Variants in TAFA1 observed in about 807,000 individuals in gnomAD.
The protein encoded by TAFA1 is chemokine-like protein TAFA-1.
A neutral mutation model predicts 18.5 loss-of-function variants in TAFA1; 4 were observed. The ratio of observed to expected loss-of-function variants is 0.22; its 90% CI spans 0.11 to 0.49. The LOEUF is 0.49. Among genes scored for constraint, TAFA1 ranks in the 20% least tolerant of loss-of-function variants. The probability of loss-of-function intolerance (pLI) is 0.98; values close to 1 mark genes in which losing one functional copy is unlikely to be tolerated. For missense variants in TAFA1, 147 were observed against 169.0 expected (o/e 0.87, Z 0.72); for synonymous variants, 56 against 55.2 (o/e 1.01, Z -0.06).
At chr3:68,366,668 T>A (rs1319772607) in intron 2 of TAFA1, among the ~76,000 whole-genome samples, 24 of 152,188 alleles carry the variant, frequency 1.6e-4, no homozygotes, top group Non-Finnish European at 1.5e-4. Flanking sequence ...CAAATCCAGC[T>A]TTGGACTCGG....
chr3:68,071,376 C>T (rs945164919), intron 2 of TAFA1, among the ~76,000 whole-genome samples: 1 of 152,194 alleles, frequency 6.6e-6, no homozygotes, highest in Non-Finnish European at 1.5e-5. Context: ...CAACAACCTC[C>T]CACCAGGTCC....
At chr3:68,274,461 T>C (rs536456982) in intron 2 of TAFA1, among the ~76,000 whole-genome samples, 1 of 152,320 alleles carries the variant, frequency 6.6e-6, no homozygotes, top group South Asian at 2.1e-4. Context: ...TGCCTGCAGA[T>C]TCAAACACTG....
intron 2 of TAFA1, among the ~76,000 whole-genome samples, chr3:68,300,110 C>A (rs2068276965): frequency 6.6e-6 from 1 of 152,174 alleles, no homozygotes; most frequent in Non-Finnish European, 1.5e-5. Flanking sequence ...AATGGTAGAT[C>A]CATTGATAGC....
At chr3:68,052,676 C>A (rs1281081930) in intron 2 of TAFA1, among the ~76,000 whole-genome samples, 1 of 152,162 alleles carries the variant, frequency 6.6e-6, no homozygotes, top group East Asian at 1.9e-4. Flanking sequence ...TCTTCACTCA[C>A]CAGCAAATAT....
intron 2 of TAFA1, among the ~76,000 whole-genome samples, chr3:68,256,072 C>A (rs1433842233): frequency 6.6e-6 from 1 of 152,000 alleles, no homozygotes; most frequent in East Asian, 1.9e-4. Flanking sequence ...GAAATACTTT[C>A]CAAATATTAG....
chr3:68,396,259 C>A (rs1478287945), intron 2 of TAFA1, among the ~76,000 whole-genome samples: 1 of 152,010 alleles, frequency 6.6e-6, no homozygotes, highest in Admixed American at 6.6e-5. Flanking sequence ...TATAAACAGA[C>A]AAGTCATGAA....
chr3:68,388,222 G>T (rs1295142992), intron 2 of TAFA1, among the ~76,000 whole-genome samples: 4 of 152,084 alleles, frequency 2.6e-5, no homozygotes, highest in Non-Finnish European at 2.9e-5. Context: ...ATGGCATTGA[G>T]TGAACACGTT....
intron 2 of TAFA1, among the ~76,000 whole-genome samples, chr3:68,054,743 T>C (rs1355250716): frequency 6.6e-6 from 1 of 152,222 alleles, no homozygotes; most frequent in East Asian, 1.9e-4. Flanking sequence ...AGGCAAAGCT[T>C]TGCCAACCTC....
intron 2 of TAFA1, among the ~76,000 whole-genome samples, chr3:68,070,999 C>T (rs1033721317): frequency 2.0e-5 from 3 of 152,224 alleles, no homozygotes; most frequent in Non-Finnish European, 4.4e-5. Context: ...CTTCTGACCC[C>T]TCTGAACTGT....
chr3:68,201,491 C>T (rs1423128597), intron 2 of TAFA1, among the ~76,000 whole-genome samples: 1 of 151,618 alleles, frequency 6.6e-6, no homozygotes, highest in African/African-American at 2.4e-5. Flanking sequence ...AAGTCTCCAA[C>T]CATAATAATG....
At chr3:68,162,691 G>A (rs1414028556) in intron 2 of TAFA1, among the ~76,000 whole-genome samples, 1 of 152,148 alleles carries the variant, frequency 6.6e-6, no homozygotes, top group African/African-American at 2.4e-5. Context: ...CATTAACTGT[G>A]TGTTTGCCAG....
At chr3:68,115,925 C>T (rs2065319388) in intron 2 of TAFA1, among the ~76,000 whole-genome samples, 2 of 152,128 alleles carry the variant, frequency 1.3e-5, no homozygotes, top group South Asian at 2.1e-4. Context: ...ATGAACCACC[C>T]TCTAGTAATG....
At chr3:68,120,201 CT>C (rs1278769433) in intron 2 of TAFA1, among the ~76,000 whole-genome samples, 1 of 95,828 alleles carries the variant, frequency 1.0e-5, no homozygotes, top group Non-Finnish European at 2.0e-5. Context: ...TTCTTTCTTT[CT>C]TTCTTTCTTT....
chr3:68,411,195 G>A (rs1194671819), intron 2 of TAFA1, among the ~76,000 whole-genome samples: 1 of 152,134 alleles, frequency 6.6e-6, no homozygotes, highest in Non-Finnish European at 1.5e-5. Flanking sequence ...TATAGAATTT[G>A]ATCACCTTCT....
intron 2 of TAFA1, among the ~76,000 whole-genome samples, chr3:68,089,678 T>C (rs1305788177): frequency 6.6e-6 from 1 of 152,180 alleles, no homozygotes; most frequent in Non-Finnish European, 1.5e-5. Flanking sequence ...GGTTGAAATG[T>C]GGTCCTGACC....
intron 3 of TAFA1, among the ~76,000 whole-genome samples, chr3:68,418,464 C>T (rs1445020909): frequency 1.8e-5 from 1 of 54,768 alleles, no homozygotes; most frequent in East Asian, 3.0e-4. Flanking sequence ...GGTGGAATAT[C>T]ATCAGTTAAG....
Position 68,123,229 on chromosome 3 carries a change from C to A in TAFA1, c.118+116485C>A, listed in dbSNP as rs78815627. Among the ~76,000 whole-genome samples the A allele has an allele frequency of 5.4e-3, 815 of 152,216 alleles. 35 individuals are homozygous for A. The East Asian group carries it at 0.1, about 19-fold the overall frequency. On this transcript the variant is annotated intron_variant, in intron 2 of 4. Transcript: ENST00000478136. ...AAGAGTGGAGGAAAGTAGAGGCACT[C>A]ACCAGGGAGAAGGGGCGACAGGAGC...
At chr3:68,412,561 G>A (rs546649205) in intron 2 of TAFA1, among the ~76,000 whole-genome samples, 2 of 152,162 alleles carry the variant, frequency 1.3e-5, no homozygotes, top group East Asian at 3.9e-4. Flanking sequence ...AGTGTGTGAT[G>A]TTCCCCACCC....
intron 2 of TAFA1, among the ~76,000 whole-genome samples, chr3:68,080,937 C>T (rs898861426): frequency 3.3e-5 from 5 of 152,154 alleles, no homozygotes; most frequent in Non-Finnish European, 7.3e-5. Context: ...CTCCCCATCA[C>T]TTTCAGGTAC....
Sources: allele counts gnomAD v4.1 joint callset (sites outside exome capture counted in the v4.1 genomes callset), GRCh38; gene constraint gnomAD v4.1.1; transcripts MANE v1.5; gene names NCBI Gene and HGNC (gene_info 2026-07-23, HGNC 2026-07-21).